Variants in CLVS1 observed in about 807,000 individuals in gnomAD.
The protein encoded by CLVS1 is clavesin 1, also known as clavesin-1.
CLVS1 carries 10 observed loss-of-function variants against 33.1 expected under a neutral mutation model. The ratio of observed to expected loss-of-function variants is 0.30; its 90% CI spans 0.19 to 0.51. CLVS1 has a LOEUF of 0.51. Ranked by LOEUF, CLVS1 falls within the 20% of genes least tolerant of loss-of-function variation. CLVS1 has a pLI of 0.97. For synonymous variants in CLVS1, 163 were observed against 166.1 expected, an observed-to-expected ratio of 0.98 and a Z score of 0.14; for missense variants, 343 against 433.4, an observed-to-expected ratio of 0.79 and a Z score of 1.85.
chr8:61,208,575 T>G (rs1232518600), intron 2 of CLVS1, among the ~76,000 whole-genome samples: 4 of 152,146 alleles, frequency 2.6e-5, no homozygotes, highest in African/African-American at 7.2e-5. Flanking sequence ...ATTTACTAGA[T>G]TGACTGCACC....
chr8:61,366,254 G>A (rs904694082), intron 2 of CLVS1, among the ~76,000 whole-genome samples: 2 of 152,142 alleles, frequency 1.3e-5, no homozygotes, highest in African/African-American at 2.4e-5. Flanking sequence ...TCTTAAAGTG[G>A]TGTTTGAGGA....
At chr8:61,041,239 A>G in the CLVS1 span, among the ~76,000 whole-genome samples, 2 of 152,030 alleles carry the variant, frequency 1.3e-5, no homozygotes, top group African/African-American at 2.4e-5. Flanking sequence ...TTGTAGCCTT[A>G]TAGTATAATT....
chr8:61,289,703 A>C (rs1809913580), intron 1 of CLVS1, among the ~76,000 whole-genome samples: 1 of 152,240 alleles, frequency 6.6e-6, no homozygotes, highest in Admixed American at 6.5e-5. Context: ...AGCACGTTTC[A>C]TCTAAACCAG....
At chr8:61,190,429 C>T (rs1444055272) in intron 2 of CLVS1, among the ~76,000 whole-genome samples, 3 of 152,096 alleles carry the variant, frequency 2.0e-5, no homozygotes, top group African/African-American at 7.2e-5. Flanking sequence ...CACAAAAGAT[C>T]TAAAATTGAC....
Position 61,346,256 on chromosome 8 carries a change from C to T in CLVS1, c.456-30349C>T, listed in dbSNP as rs115234329. Among the ~76,000 whole-genome samples the T allele has an allele frequency of 4.9e-3, 745 of 152,220 alleles. 9 individuals are homozygous for T. The highest frequency in any genetic ancestry group is 0.017 in the African/African-American group (705 of 41,542). ...AGAATTTCAGGGGGTAAAGCAAGGG[C>T]ATTAGTGTCTTAGAAAAACTCCCCA... On this transcript the variant is annotated intron_variant, in intron 2 of 5. Transcript: ENST00000325897.
rs539571116 is a variant in CLVS1, at chr8:61,487,528, G to T, written c.978-11927G>T. On this transcript the variant is annotated intron_variant, in intron 5 of 5. Transcript: ENST00000325897. The stretch of plus-strand genomic sequence containing the variant: ...GTATTCACTCATTCATTCTTCAGTG[G>T]TTTATAGAGTATCTTTTTTGGGGAT... Among the ~76,000 whole-genome samples the T allele has an allele frequency of 6.7e-4, 102 of 152,248 alleles. 2 individuals are homozygous for T. In the South Asian group the frequency reaches 0.021, roughly 31 times the overall value.
At chr8:61,395,669 T>C (rs539888482) in intron 3 of CLVS1, among the ~76,000 whole-genome samples, 2 of 152,258 alleles carry the variant, frequency 1.3e-5, no homozygotes, top group East Asian at 3.9e-4. Context: ...TCTGTAGTGT[T>C]GGGGTGGGGT....
At chr8:61,174,204 C>CAAACAAAA (rs1807066328) in intron 2 of CLVS1, among the ~76,000 whole-genome samples, 2 of 152,016 alleles carry the variant, frequency 1.3e-5, no homozygotes, top group South Asian at 4.2e-4. Flanking sequence ...AATTTCCAGG[C>CAAACAAAA]AAACAAAAAA....
intron 2 of CLVS1, among the ~76,000 whole-genome samples, chr8:61,262,567 C>G (rs1809227347): frequency 6.6e-6 from 1 of 152,114 alleles, no homozygotes; most frequent in Non-Finnish European, 1.5e-5. Context: ...ATTACTTATT[C>G]TGAAAAGAGG....
At chr8:61,065,399 G>T (rs1804659035) in intron 1 of CLVS1, among the ~76,000 whole-genome samples, 1 of 152,040 alleles carries the variant, frequency 6.6e-6, no homozygotes, top group Non-Finnish European at 1.5e-5. Context: ...GGTACCTATG[G>T]ATACAGAGGG....
At chr8:61,114,925 A>C (rs1012891450) in intron 1 of CLVS1, among the ~76,000 whole-genome samples, 1 of 152,250 alleles carries the variant, frequency 6.6e-6, no homozygotes, top group Non-Finnish European at 1.5e-5. Flanking sequence ...GCACTGGAAG[A>C]TCAGAAAAAG....
At chr8:61,175,600 A>T (rs1807098043) in intron 2 of CLVS1, among the ~76,000 whole-genome samples, 1 of 152,210 alleles carries the variant, frequency 6.6e-6, no homozygotes, top group African/African-American at 2.4e-5. Flanking sequence ...TAGTGTCCTT[A>T]TAAGAAGAGA....
intron 2 of CLVS1, among the ~76,000 whole-genome samples, chr8:61,165,318 G>T (rs1413902668): frequency 6.6e-6 from 1 of 152,222 alleles, no homozygotes; most frequent in South Asian, 2.1e-4. Flanking sequence ...GAAGAGTGCA[G>T]TTGCAAGATT....
Position 61,454,199 on chromosome 8 carries a change from A to G in CLVS1, c.689A>G (p.His230Arg). 2 of 1,614,084 alleles carry G rather than the reference A, an allele frequency of 1.2e-6. No individual in the cohort carries two copies. The highest frequency in any genetic ancestry group is 1.7e-6 in the Non-Finnish European group (2 of 1,179,986). The change falls in exon 4 of 6, where the codon CAT (histidine) becomes CGT (arginine). Residue 230 changes from histidine (H) to arginine (R), a missense_variant. Physicochemically the swap from His to Arg is conservative, Grantham distance 29 (BLOSUM62 0). Coordinates refer to ENST00000325897, the MANE Select transcript of CLVS1 (RefSeq NM_173519.3). ...TTTGTCAACCAGCCCTGGTACATTC[A>G]TGCCCTCTACACACTCATCAAGCCA... ...VHFVNQPWYI[H>R]ALYTLIKPFL...
intron 5 of CLVS1, among the ~76,000 whole-genome samples, chr8:61,478,946 A>G (rs1818071615): frequency 6.6e-6 from 1 of 152,202 alleles, no homozygotes; most frequent in African/African-American, 2.4e-5. Flanking sequence ...CTGCCAAGAG[A>G]TCCGCTGTTA....
chr8:61,271,146 G>T (rs1480746864), intron 2 of CLVS1, among the ~76,000 whole-genome samples: 1 of 143,480 alleles, frequency 7.0e-6, no homozygotes, highest in East Asian at 2.1e-4. Context: ...TCTCTTGTGG[G>T]CATTTAGTGC....
At chr8:61,250,109 A>G (rs943090310) in intron 2 of CLVS1, among the ~76,000 whole-genome samples, 16 of 151,986 alleles carry the variant, frequency 1.1e-4, no homozygotes, top group African/African-American at 3.9e-4. Context: ...GTGTAAGGAA[A>G]GGGTCCAGTT....
chr8:61,214,273 C>G (rs1222537281), intron 2 of CLVS1, among the ~76,000 whole-genome samples: 1 of 152,052 alleles, frequency 6.6e-6, no homozygotes, highest in Admixed American at 6.6e-5. Context: ...TGTCTGTGAC[C>G]CACACCTATT....
intron 3 of CLVS1, among the ~76,000 whole-genome samples, chr8:61,388,777 A>G (rs1454311822): frequency 1.3e-5 from 2 of 152,172 alleles, no homozygotes; most frequent in African/African-American, 4.8e-5. Flanking sequence ...TGTTGGGAAC[A>G]TTCAATATCC....
Sources: allele counts gnomAD v4.1 joint callset (sites outside exome capture counted in the v4.1 genomes callset), GRCh38; gene constraint gnomAD v4.1.1; transcripts MANE v1.5; gene names NCBI Gene and HGNC (gene_info 2026-07-23, HGNC 2026-07-21).